ZYG11B: variants seen among roughly 807,000 people sequenced by gnomAD.
ZYG11B encodes the protein zyg-11 family member B, cell cycle regulator, also known as protein zyg-11 homolog B.
In ZYG11B, 36 loss-of-function variants were observed where a neutral mutation model predicts 82.4. The observed-to-expected ratio is 0.44, with a 90% confidence interval of 0.33 to 0.58. ZYG11B has a LOEUF of 0.58. Ranked by LOEUF, ZYG11B falls within the 20% of genes least tolerant of loss-of-function variation. The pLI, the probability that ZYG11B is intolerant of heterozygous loss-of-function variation, is 0.02. For missense variants in ZYG11B, 552 were observed against 895.6 expected, an observed-to-expected ratio of 0.62 and a Z score of 4.90; for synonymous variants, 303 against 312.8, an observed-to-expected ratio of 0.97 and a Z score of 0.33.
chr1:52,797,205 TA>T (rs1645026616), intron 8 of ZYG11B, among the ~76,000 whole-genome samples: 1 of 78,430 alleles, frequency 1.3e-5, no homozygotes, highest in African/African-American at 5.9e-5. Context: ...AAATTATTTA[TA>T]TATAATATAT....
chr1:52,735,258 A>G (rs1235806832), intron 1 of ZYG11B, among the ~76,000 whole-genome samples: 1 of 150,076 alleles, frequency 6.7e-6, no homozygotes, highest in East Asian at 2.0e-4. Context: ...CGAACTCCCA[A>G]CCTCTGGTGA....
chr1:52,789,714 A>G (rs946520577), intron 5 of ZYG11B, among the ~76,000 whole-genome samples: 3 of 152,180 alleles, frequency 2.0e-5, no homozygotes, highest in African/African-American at 7.2e-5. Context: ...ATCTCAAAAA[A>G]TACAGAAGAC....
chr1:52,814,134 C>T (rs373114068), intron 12 of ZYG11B, among the ~76,000 whole-genome samples: 15 of 152,254 alleles, frequency 9.9e-5, no homozygotes, highest in African/African-American at 3.6e-4. Context: ...AATTCCCCTG[C>T]CTCAGCCTCC....
At chr1:52,796,260 A>G (rs773610119) in intron 6 of ZYG11B, 32 bp from the exon 7 acceptor site, 63 of 1,571,352 alleles carry the variant, frequency 4.0e-5, no homozygotes, top group Middle Eastern at 1.7e-4. Flanking sequence ...GGCCTCCACG[A>G]TTAATTCATG....
chr1:52,755,373 C>G (rs1485102101), intron 1 of ZYG11B, among the ~76,000 whole-genome samples: 1 of 152,102 alleles, frequency 6.6e-6, no homozygotes, highest in East Asian at 1.9e-4. Context: ...TGTGTCTATC[C>G]TTATGCTGGT....
intron 1 of ZYG11B, among the ~76,000 whole-genome samples, chr1:52,727,625 A>G (rs1644296790): frequency 6.6e-6 from 1 of 152,204 alleles, no homozygotes; most frequent in African/African-American, 2.4e-5. Flanking sequence ...GCAGAGACCA[A>G]GGGCATTTGA....
intron 10 of ZYG11B, among the ~76,000 whole-genome samples, chr1:52,809,622 T>C (rs1645167120): frequency 6.6e-6 from 1 of 152,248 alleles, no homozygotes; most frequent in South Asian, 2.1e-4. Context: ...TCTACTGTTT[T>C]ACATTCCCAC....
intron 1 of ZYG11B, among the ~76,000 whole-genome samples, chr1:52,729,862 C>G (rs1423693449): frequency 6.6e-6 from 1 of 152,012 alleles, no homozygotes; most frequent in Non-Finnish European, 1.5e-5. Flanking sequence ...AGCTGAAGTG[C>G]AGTGGCATGA....
intron 1 of ZYG11B, among the ~76,000 whole-genome samples, chr1:52,754,959 C>CTTTTTTTTTTTTTTTTTTTTTT (rs34416689): frequency 7.9e-6 from 1 of 126,686 alleles, no homozygotes; most frequent in Non-Finnish European, 1.6e-5. Flanking sequence ...AAAGCCTATT[C>CTTTTTTTTTTTTTTTTTTTTTT]TTTTTTTTTT....
In ZYG11B at chr1:52,823,790, C is replaced by T. The variant is rs1041169851; in HGVS notation, c.*2161C>T. 24 of 152,256 alleles carry T rather than the reference C, an allele frequency of 1.6e-4. No individual in the cohort carries two copies. The highest frequency in any genetic ancestry group is 3.4e-3 in the Middle Eastern group (1 of 294). 9.4% of individuals were successfully genotyped at this position (152,256 alleles called of 1,614,324 possible). A position where few individuals can be genotyped will look rare whatever the true frequency, so the allele number is the denominator to read the frequency against. On this transcript the variant is annotated 3_prime_UTR_variant, in exon 14 of 14. Transcript: ENST00000294353. ...TAAAAGTGTACAGAAAACAGTAAAT[C>T]CCTTCTTTACTCAGAATAACTTCTT... is the stretch of plus-strand genomic sequence containing the variant.
At chr1:52,819,913 T>C (rs886676231) in intron 13 of ZYG11B, among the ~76,000 whole-genome samples, 10 of 151,926 alleles carry the variant, frequency 6.6e-5, no homozygotes, top group African/African-American at 2.2e-4. Flanking sequence ...TAATTTATTT[T>C]ATTTTATTTT....
intron 3 of ZYG11B, 74 bp from the exon 4 acceptor site, chr1:52,779,779 C>A (rs530737826): frequency 8.9e-5 from 140 of 1,574,106 alleles, no homozygotes; most frequent in Non-Finnish European, 1.1e-4. Flanking sequence ...CGTGAGCCAC[C>A]GCGCCTGGCC....
chr1:52,799,381 G>A (rs1265900722), intron 8 of ZYG11B, among the ~76,000 whole-genome samples: 6 of 149,882 alleles, frequency 4.0e-5, no homozygotes, highest in Admixed American at 3.3e-4. Flanking sequence ...CAGCTACTCG[G>A]GAGGCTGAGG....
In ZYG11B at chr1:52,813,742, A is replaced by G; in HGVS notation, c.1893+9A>G. On this transcript the variant is annotated intron_variant, in intron 11 of 13. Transcript: ENST00000294353. The stretch of plus-strand genomic sequence containing the variant: ...CTCTGCTGGATGATTTGGTAGGGTC[A>G]TTCCATACCAACAAAAGACATTCAT... The G allele has an allele frequency of 1.2e-6, 2 of 1,614,026 alleles. No homozygotes were observed. Among genetic ancestry groups the G allele is most frequent in the Non-Finnish European group, 1.7e-6 (2 of 1,179,880 alleles).
chr1:52,746,679 C>A (rs1293050626), intron 1 of ZYG11B, among the ~76,000 whole-genome samples: 1 of 75,894 alleles, frequency 1.3e-5, no homozygotes, highest in Non-Finnish European at 2.6e-5. Context: ...AAATAAAGAT[C>A]GGCCACTGTT....
At chr1:52,739,736 C>G (rs1375714379) in intron 1 of ZYG11B, among the ~76,000 whole-genome samples, 1 of 151,988 alleles carries the variant, frequency 6.6e-6, no homozygotes, top group Non-Finnish European at 1.5e-5. Context: ...ATTCTCCTGC[C>G]TCAGCCTCCC....
intron 5 of ZYG11B, among the ~76,000 whole-genome samples, chr1:52,787,046 C>T (rs976815966): frequency 1.4e-4 from 21 of 151,578 alleles, no homozygotes; most frequent in Middle Eastern, 3.4e-3. Flanking sequence ...GCCAAGATCG[C>T]ACCATTGAAC....
chr1:52,807,524 C>G (rs1645151305), intron 10 of ZYG11B, among the ~76,000 whole-genome samples: 1 of 144,250 alleles, frequency 6.9e-6, no homozygotes, highest in Non-Finnish European at 1.5e-5. Flanking sequence ...CAGGTTCTCA[C>G]TCTGTCACCC....
At position 52,823,719 on chromosome 1, in the gene ZYG11B, G is replaced by C. The variant is rs572621861; in HGVS notation, c.*2090G>C. The C allele has an allele frequency of 6.6e-6, 1 of 152,132 alleles. No homozygotes were observed. Among genetic ancestry groups the C allele is most frequent in the African/African-American group, 2.4e-5 (1 of 41,436 alleles). 9.4% of individuals were successfully genotyped at this position (152,132 alleles called of 1,614,324 possible). A position where few individuals can be genotyped will look rare whatever the true frequency, so the allele number is the denominator to read the frequency against. On this transcript the variant is annotated 3_prime_UTR_variant, in exon 14 of 14. Coordinates refer to ENST00000294353, the MANE Select transcript of ZYG11B (RefSeq NM_024646.3). ...AGACAAAAGTGCATATTTCTTTACA[G>C]GCTAATGCTAGGTTTTTGTCTTTAC...
Sources: allele counts gnomAD v4.1 joint callset (sites outside exome capture counted in the v4.1 genomes callset), GRCh38; gene constraint gnomAD v4.1.1; transcripts MANE v1.5; gene names NCBI Gene and HGNC (gene_info 2026-07-23, HGNC 2026-07-21).